Variants in AOAH observed in about 807,000 individuals in gnomAD.
AOAH encodes acyloxyacyl hydrolase (neutrophil).
AOAH carries 64 observed loss-of-function variants against 92.2 expected under a neutral mutation model. That is an observed-to-expected ratio of 0.69 (90% CI 0.57 to 0.86). The LOEUF (loss-of-function observed/expected upper bound fraction) is 0.86. Among genes scored for constraint, AOAH ranks in the 40% least tolerant of loss-of-function variants. The probability of loss-of-function intolerance (pLI) is 0.00; values close to 1 mark genes in which losing one functional copy is unlikely to be tolerated. For synonymous variants in AOAH, 263 were observed against 254.5 expected, an observed-to-expected ratio of 1.03 and a Z score of -0.32; for missense variants, 656 against 694.6, an observed-to-expected ratio of 0.94 and a Z score of 0.62.
intron 4 of AOAH, among the ~76,000 whole-genome samples, chr7:36,654,992 C>T (rs1028058094): frequency 2.3e-4 from 35 of 152,320 alleles, no homozygotes; most frequent in Admixed American, 7.2e-4. Flanking sequence ...TTAAGTGCAG[C>T]GGCTGGCAGG....
At chr7:36,684,937 AAAGAAGAAGAAGAAGAAG>A (rs1250019607) in intron 2 of AOAH, among the ~76,000 whole-genome samples, 2 of 53,170 alleles carry the variant, frequency 3.8e-5, no homozygotes, top group Admixed American at 5.7e-4. Context: ...AAAAAAAAAA[AAAGAAGAAGAAGAAGAAG>A]AAGAAGAAGA....
chr7:36,525,107 G>A (rs1458565395), intron 19 of AOAH, among the ~76,000 whole-genome samples: 1 of 152,176 alleles, frequency 6.6e-6, no homozygotes, highest in African/African-American at 2.4e-5. Flanking sequence ...ACCTGACCTG[G>A]ACTCTCCTGG....
intron 2 of AOAH, among the ~76,000 whole-genome samples, chr7:36,676,781 A>G (rs1336997867): frequency 3.3e-5 from 5 of 152,354 alleles, no homozygotes; most frequent in Middle Eastern, 3.4e-3. Context: ...AATAGAATCA[A>G]TAGTTCAGAA....
chr7:36,703,586 T>C (rs1798173272), intron 1 of AOAH, among the ~76,000 whole-genome samples: 1 of 152,000 alleles, frequency 6.6e-6, no homozygotes. Flanking sequence ...GATGTTCCCC[T>C]CCCTGTGCCC....
chr7:36,662,738 T>C (rs1795295259), intron 3 of AOAH, among the ~76,000 whole-genome samples: 2 of 152,180 alleles, frequency 1.3e-5, no homozygotes, highest in South Asian at 4.1e-4. Context: ...AGGGCACAAC[T>C]TCAAGTAAGG....
intron 1 of AOAH, among the ~76,000 whole-genome samples, chr7:36,723,593 G>C (rs1221716614): frequency 6.6e-6 from 1 of 152,212 alleles, no homozygotes; most frequent in Non-Finnish European, 1.5e-5. Context: ...GAAGCATGGA[G>C]AGGGTTAAGT....
At chr7:36,590,223 CT>C (rs1195931391) in intron 12 of AOAH, among the ~76,000 whole-genome samples, 1 of 152,096 alleles carries the variant, frequency 6.6e-6, no homozygotes, top group East Asian at 1.9e-4. Context: ...TGCCCAGTAG[CT>C]ATTTTTAATC....
At chr7:36,517,326 T>C (rs1562854393) in intron 20 of AOAH, among the ~76,000 whole-genome samples, 1 of 151,226 alleles carries the variant, frequency 6.6e-6, no homozygotes. Context: ...GATTTTGCTC[T>C]GCCACTCAGG....
chr7:36,611,814 C>T (rs1226092033), intron 11 of AOAH, among the ~76,000 whole-genome samples: 2 of 152,226 alleles, frequency 1.3e-5, no homozygotes, highest in Non-Finnish European at 2.9e-5. Flanking sequence ...GCAACATTTT[C>T]ATAGACCTTA....
intron 20 of AOAH, among the ~76,000 whole-genome samples, chr7:36,518,265 A>G (rs981274688): frequency 1.3e-5 from 2 of 152,076 alleles, no homozygotes; most frequent in Non-Finnish European, 2.9e-5. Flanking sequence ...GCTGGAATGC[A>G]GTGACGCAAT....
intron 2 of AOAH, among the ~76,000 whole-genome samples, chr7:36,683,659 T>C (rs1340005359): frequency 6.6e-6 from 1 of 152,158 alleles, no homozygotes; most frequent in Non-Finnish European, 1.5e-5. Context: ...ATTGGGAGTT[T>C]GTGTGGAAAG....
chr7:36,543,077 G>A (rs1470995064), intron 15 of AOAH, among the ~76,000 whole-genome samples: 2 of 152,108 alleles, frequency 1.3e-5, no homozygotes, highest in African/African-American at 4.8e-5. Flanking sequence ...CTCTTAAGGG[G>A]GGAGAGAAAA....
At chr7:36,527,287 A>G (rs1784447745) in intron 19 of AOAH, among the ~76,000 whole-genome samples, 1 of 152,210 alleles carries the variant, frequency 6.6e-6, no homozygotes, top group South Asian at 2.1e-4. Context: ...TGTCACAAGG[A>G]TGTGAAATTG....
chr7:36,642,699 C>T (rs1288888895), intron 4 of AOAH, among the ~76,000 whole-genome samples: 1 of 152,186 alleles, frequency 6.6e-6, no homozygotes, highest in Non-Finnish European at 1.5e-5. Context: ...AGTATCTGTA[C>T]TCTGCCAGGC....
At chr7:36,524,725 A>C (rs1269061186) in intron 19 of AOAH, among the ~76,000 whole-genome samples, 1 of 151,010 alleles carries the variant, frequency 6.6e-6, no homozygotes, top group Admixed American at 6.6e-5. Flanking sequence ...TGCACCCCAG[A>C]GGGCTCGCTC....
chr7:36,696,862 C>G (rs908108843), intron 1 of AOAH, among the ~76,000 whole-genome samples: 2 of 102,770 alleles, frequency 1.9e-5, no homozygotes, highest in African/African-American at 3.5e-5. Flanking sequence ...GAGGCTACGT[C>G]TCCAGAAACA....
intron 11 of AOAH, among the ~76,000 whole-genome samples, chr7:36,597,111 G>A (rs1790183042): frequency 6.6e-6 from 1 of 152,082 alleles, no homozygotes; most frequent in African/African-American, 2.4e-5. Flanking sequence ...CTGGAAGAGG[G>A]AGGAGTTGGT....
intron 1 of AOAH, among the ~76,000 whole-genome samples, chr7:36,690,501 T>C (rs1797329292): frequency 6.6e-6 from 1 of 152,216 alleles, no homozygotes; most frequent in Non-Finnish European, 1.5e-5. Flanking sequence ...AGAAACTGAC[T>C]TTTCTACAGT....
intron 13 of AOAH, among the ~76,000 whole-genome samples, chr7:36,551,974 T>TA (rs1786293256): frequency 6.6e-6 from 1 of 152,226 alleles, no homozygotes; most frequent in South Asian, 2.1e-4. Flanking sequence ...GTATATTGTG[T>TA]AATGCTGAGG....
Sources: gnomAD v4.1 joint callset for allele counts (sites outside exome capture counted in the v4.1 genomes callset) on GRCh38, gnomAD v4.1.1 for gene constraint, MANE v1.5 for transcripts, NCBI Gene and HGNC (gene_info 2026-07-23, HGNC 2026-07-21) for gene names.